The following THRA variants were observed in gnomAD, a reference collection of about 807,000 sequenced individuals.
THRA encodes the protein EAR-7.
THRA carries 13 observed loss-of-function variants against 45.0 expected under a neutral mutation model. That is an observed-to-expected ratio of 0.29 (90% CI 0.19 to 0.46). The LOEUF (loss-of-function observed/expected upper bound fraction) is 0.46, where lower values mean the gene tolerates loss of function less well. THRA is among the 20% of genes least tolerant of loss of function. THRA has a pLI of 1.00. For synonymous variants in THRA, 195 were observed against 214.0 expected (o/e 0.91, Z 0.78); for missense variants, 278 against 556.1 (o/e 0.50, Z 5.03).
intron 4 of THRA, among the ~76,000 whole-genome samples, chr17:40,082,830 G>A (rs142164647): frequency 7.3e-6 from 1 of 137,632 alleles, no homozygotes; most frequent in African/African-American, 2.7e-5. Context: ...GCAGTGGCGC[G>A]ATCTTGGCTC....
intron 1 of THRA, among the ~76,000 whole-genome samples, chr17:40,071,650 G>C (rs2145050334): frequency 6.6e-6 from 1 of 152,340 alleles, no homozygotes; most frequent in East Asian, 1.9e-4. Flanking sequence ...CTGCAGAGGA[G>C]GTACCAGGAA....
intron 6 of THRA, 124 bp downstream of exon 6, chr17:40,084,939 A>T: frequency 9.5e-7 from 1 of 1,049,088 alleles, no homozygotes; most frequent in Non-Finnish European, 1.4e-6. Context: ...CATACTCTTC[A>T]CACTTTTGCT....
intron 2 of THRA, among the ~76,000 whole-genome samples, chr17:40,076,529 T>A (rs1045827700): frequency 6.6e-6 from 1 of 152,222 alleles, no homozygotes; most frequent in African/African-American, 2.4e-5. Flanking sequence ...GCTACATAGC[T>A]TTAAGCATAT....
intron 7 of THRA, chr17:40,087,113 C>A (rs1346621777): frequency 4.3e-6 from 2 of 470,520 alleles, no homozygotes; most frequent in East Asian, 8.1e-5. Context: ...TACACACACA[C>A]ATACACCCAG....
Position 40,074,371 on chromosome 17 carries a change from C to T in THRA, c.-118C>T, listed in dbSNP as rs889255096. On this transcript the variant is annotated 5_prime_UTR_variant, in exon 2 of 9. Coordinates refer to ENST00000450525, the MANE Select transcript of THRA (RefSeq NM_199334.5). ...AGTGCTGAGGCGGGTATCATGGGTG[C>T]TGTGCCCTAGGGCCTGGGTGGCAGG... 2.8e-6 allele frequency: 3 copies of T among 1,075,666 alleles called. No individual in the cohort carries two copies. The highest frequency in any genetic ancestry group is 3.1e-5 in the African/African-American group (2 of 64,788). The allele number at this position is 1,075,666 out of a possible 1,614,324, so 66.6% of individuals were successfully genotyped here.
At chr17:40,070,187 C>G (rs1986724621) in intron 1 of THRA, among the ~76,000 whole-genome samples, 1 of 152,014 alleles carries the variant, frequency 6.6e-6, no homozygotes, top group South Asian at 2.1e-4. Flanking sequence ...GAGAGCTCAC[C>G]AAGGGGTGCC....
chr17:40,080,801 C>T (rs1411148037), intron 4 of THRA, among the ~76,000 whole-genome samples: 1 of 150,420 alleles, frequency 6.6e-6, no homozygotes, highest in Non-Finnish European at 1.5e-5. Flanking sequence ...TGGCTCACTG[C>T]AACCTCTGCC....
At chr17:40,079,426 G>C (rs1265221519) in intron 4 of THRA, among the ~76,000 whole-genome samples, 1 of 152,008 alleles carries the variant, frequency 6.6e-6, no homozygotes, top group Non-Finnish European at 1.5e-5. Context: ...TGTATTTTTA[G>C]TAGAGATAGG....
intron 4 of THRA, among the ~76,000 whole-genome samples, chr17:40,078,562 T>G (rs944029227): frequency 6.6e-6 from 1 of 152,136 alleles, no homozygotes; most frequent in East Asian, 1.9e-4. Context: ...CACCCATTCA[T>G]TCAGTGTATT....
In THRA at chr17:40,089,522, G is replaced by T; in HGVS notation, c.*66G>T. On this transcript the variant is annotated 3_prime_UTR_variant, in exon 9 of 9. Coordinates refer to ENST00000450525, the MANE Select transcript of THRA (RefSeq NM_199334.5). This position sits in a 1 kb window ranked among gnomAD's most constrained non-coding sequence, Gnocchi z 6.1. ...GAGCCTGGAGAGAAGGGGCAGAGCT[G>T]GGGGCTGAGGGAGACCCCCCCACAC... The T allele has an allele frequency of 6.4e-7, 1 of 1,563,696 alleles. No homozygotes were observed.
intron 6 of THRA, among the ~76,000 whole-genome samples, chr17:40,085,367 ACT>A (rs976831666): frequency 3.6e-4 from 54 of 149,336 alleles, no homozygotes; most frequent in African/African-American, 1.2e-3. Flanking sequence ...ACGGAGTCTC[ACT>A]CTCACCCAGG....
At chr17:40,072,189 G>C (rs1986799839) in intron 1 of THRA, 1 of 152,366 alleles carries the variant, frequency 6.6e-6, no homozygotes, top group Non-Finnish European at 1.5e-5. Context: ...CAACTGGTAA[G>C]TGGCAGGGGC....
At chr17:40,066,600 G>A (rs7502604) in intron 1 of THRA, among the ~76,000 whole-genome samples, 41,552 of 149,176 alleles carry the variant, frequency 0.28, 6,065 homozygotes, top group Admixed American at 0.39. Flanking sequence ...GGAGGTGGAG[G>A]TTGCAGTGAG....
At chr17:40,083,747 CA>C in intron 4 of THRA, 87 bp from the exon 5 acceptor site, 1 of 1,478,816 alleles carries the variant, frequency 6.8e-7, no homozygotes, top group Non-Finnish European at 9.0e-7. Context: ...CCTTGCTCTC[CA>C]CCCCTGACCC....
chr17:40,067,893 G>T (rs894404986), intron 1 of THRA, among the ~76,000 whole-genome samples: 2 of 152,226 alleles, frequency 1.3e-5, no homozygotes, highest in African/African-American at 4.8e-5. Flanking sequence ...GGTGGCGCAT[G>T]CCTGTGTTAC....
chr17:40,084,730 A>G lies in THRA; in HGVS notation c.491A>G (p.Glu164Gly). The stretch of plus-strand genomic sequence containing the variant: ...CAGCGACCAGAGCCCACTCCTGAAG[A>G]GTGGGATCTGATCCACATTGCCACA... ...LQQRPEPTPE[E>G]WDLIHIATEA... The change falls in exon 6 of 9, where the codon GAG becomes GGG. Residue 164 changes from glutamate (E) to glycine (G), a missense_variant. Transcript: ENST00000450525. 1 of 1,614,086 alleles carries G rather than the reference A, an allele frequency of 6.2e-7. No individual in the cohort carries two copies. The highest frequency in any genetic ancestry group is 8.5e-7 in the Non-Finnish European group (1 of 1,179,996).
chr17:40,066,340 G>A (rs1272859696), intron 1 of THRA, among the ~76,000 whole-genome samples: 1 of 152,112 alleles, frequency 6.6e-6, no homozygotes, highest in African/African-American at 2.4e-5. Context: ...ACTGAGGCTT[G>A]GTCTCAGGGA....
chr17:40,070,229 C>G (rs953729964), intron 1 of THRA, among the ~76,000 whole-genome samples: 3 of 152,082 alleles, frequency 2.0e-5, no homozygotes, highest in African/African-American at 7.2e-5. Context: ...CCCATGCCTG[C>G]CAGGCTGGGG....
Position 40,092,632 on chromosome 17 carries a change from C to T in THRA, c.*3176C>T, listed in dbSNP as rs1011835512. ...ATAAATATATGATGAAAATAACCCC[C>T]TTGGGCACCCCCCTTAGACTTGTGT... is the stretch of plus-strand genomic sequence containing the variant. On this transcript the variant is annotated 3_prime_UTR_variant, in exon 9 of 9. Coordinates refer to ENST00000450525, the MANE Select transcript of THRA (RefSeq NM_199334.5). 5.6e-6 allele frequency: 1 copy of T among 177,018 alleles called. No individual in the cohort carries two copies. Among genetic ancestry groups the T allele is most frequent in the African/African-American group, 2.4e-5 (1 of 42,094 alleles). 11.0% of individuals were successfully genotyped at this position (177,018 alleles called of 1,614,324 possible).
Sources: allele counts gnomAD v4.1 joint callset (sites outside exome capture counted in the v4.1 genomes callset), GRCh38; gene constraint gnomAD v4.1.1; non-coding constraint Gnocchi (gnomAD v3.1); transcripts MANE v1.5; gene names NCBI Gene and HGNC (gene_info 2026-07-23, HGNC 2026-07-21).